FAM174A: variants seen among roughly 807,000 people sequenced by gnomAD.
FAM174A encodes family with sequence similarity 174 member A, also known as membrane protein FAM174A.
FAM174A carries 14 observed loss-of-function variants against 14.3 expected under a neutral mutation model. The observed-to-expected ratio is 0.98, with a 90% CI of 0.65 to 1.53. FAM174A has a LOEUF of 1.53. FAM174A is among the 40% of genes most tolerant of loss of function. The pLI is 0.00. For synonymous variants in FAM174A, 108 were observed against 111.4 expected (o/e 0.97, Z 0.19); for missense variants, 241 against 249.6 (o/e 0.97, Z 0.23).
intron 1 of FAM174A, among the ~76,000 whole-genome samples, chr5:100,555,374 T>C (rs1746353584): frequency 6.6e-6 from 1 of 152,208 alleles, no homozygotes; most frequent in South Asian, 2.1e-4. Flanking sequence ...TTGTGAATAG[T>C]GTCGCAATAA....
intron 2 of FAM174A, among the ~76,000 whole-genome samples, chr5:100,572,329 C>A (rs1299774927): frequency 3.4e-5 from 5 of 148,132 alleles, no homozygotes; most frequent in African/African-American, 1.3e-4. Flanking sequence ...TATACATGTG[C>A]CATGCTGGTG....
In FAM174A at chr5:100,535,498, G is replaced by T; in HGVS notation, c.-33G>T. The T allele has an allele frequency of 6.2e-7, 1 of 1,604,818 alleles. No individual in the cohort carries two copies. The highest frequency in any genetic ancestry group is 8.5e-7 in the Non-Finnish European group (1 of 1,175,504). On this transcript the variant is annotated 5_prime_UTR_variant, in exon 1 of 3. Transcript: ENST00000312637. Reference sequence around the variant, plus strand: ...TGGAGCCAGCGTGGCGGGCCTGGCGGCTCCCGGGTGGTGAGAGAGCGGTCC... The same window carrying T: ...TGGAGCCAGCGTGGCGGGCCTGGCGTCTCCCGGGTGGTGAGAGAGCGGTCC...
At chr5:100,543,512 T>C (rs1298075863) in intron 1 of FAM174A, among the ~76,000 whole-genome samples, 1 of 152,196 alleles carries the variant, frequency 6.6e-6, no homozygotes, top group African/African-American at 2.4e-5. Context: ...TGCAGAAAGT[T>C]CTATTGGGTA....
chr5:100,574,900 C>T (rs1389255602), intron 2 of FAM174A, among the ~76,000 whole-genome samples: 1 of 152,030 alleles, frequency 6.6e-6, no homozygotes. Flanking sequence ...TACTGCAGGA[C>T]GTATTAGAGA....
intron 1 of FAM174A, among the ~76,000 whole-genome samples, chr5:100,550,226 C>T (rs192146152): frequency 3.1e-4 from 47 of 152,182 alleles, no homozygotes; most frequent in Non-Finnish European, 5.7e-4. Flanking sequence ...AATCTTAGAG[C>T]TCCTGATGTG....
chr5:100,572,424 C>T (rs1746807480), intron 2 of FAM174A, among the ~76,000 whole-genome samples: 1 of 148,346 alleles, frequency 6.7e-6, no homozygotes. Context: ...ACAACAGTCC[C>T]CAGAGTGTGA....
At chr5:100,570,652 A>G (rs1434199839) in intron 2 of FAM174A, among the ~76,000 whole-genome samples, 1 of 151,988 alleles carries the variant, frequency 6.6e-6, no homozygotes, top group Non-Finnish European at 1.5e-5. Context: ...GTTACATGAC[A>G]AAGATGGCCA....
chr5:100,586,151 A>T, intron 2 of FAM174A, 30 bp from the exon 3 acceptor site: 1 of 1,214,012 alleles, frequency 8.2e-7, no homozygotes. Context: ...TAGAAAGGAT[A>T]TTTATGGTAT....
intron 2 of FAM174A, among the ~76,000 whole-genome samples, chr5:100,572,930 G>C (rs984075588): frequency 1.3e-5 from 2 of 151,968 alleles, no homozygotes. Context: ...CCTGACTTTT[G>C]AATGATTGCC....
At chr5:100,549,269 CT>C (rs1746217527) in intron 1 of FAM174A, among the ~76,000 whole-genome samples, 1 of 152,068 alleles carries the variant, frequency 6.6e-6, no homozygotes, top group Admixed American at 6.6e-5. Flanking sequence ...CCATGCTGAA[CT>C]TTTAGAAATG....
intron 2 of FAM174A, among the ~76,000 whole-genome samples, chr5:100,564,494 A>C (rs1320122226): frequency 1.3e-5 from 2 of 151,958 alleles, no homozygotes; most frequent in African/African-American, 2.4e-5. Flanking sequence ...AAACACTTTA[A>C]GCCTAAGCCT....
intron 1 of FAM174A, among the ~76,000 whole-genome samples, chr5:100,542,181 T>G (rs185880413): frequency 6.6e-6 from 1 of 152,358 alleles, no homozygotes; most frequent in African/African-American, 2.4e-5. Context: ...CCAAAATTCA[T>G]TTCCTTAATG....
chr5:100,585,250 C>G (rs573059756), intron 2 of FAM174A, among the ~76,000 whole-genome samples: 1 of 152,068 alleles, frequency 6.6e-6, no homozygotes, highest in Non-Finnish European at 1.5e-5. Context: ...ACATATCTCT[C>G]GACTGCAAAT....
intron 2 of FAM174A, among the ~76,000 whole-genome samples, chr5:100,568,960 A>C (rs923639001): frequency 2.0e-5 from 3 of 151,828 alleles, no homozygotes; most frequent in African/African-American, 7.3e-5. Context: ...TTATAAGGAA[A>C]ACACTAACAT....
At chr5:100,546,754 C>T (rs900005956) in intron 1 of FAM174A, among the ~76,000 whole-genome samples, 1 of 152,102 alleles carries the variant, frequency 6.6e-6, no homozygotes, top group Non-Finnish European at 1.5e-5. Context: ...CAAAACTATC[C>T]CAATTCTTCA....
At chr5:100,537,567 A>G (rs1374926550) in intron 1 of FAM174A, among the ~76,000 whole-genome samples, 1 of 152,182 alleles carries the variant, frequency 6.6e-6, no homozygotes, top group Non-Finnish European at 1.5e-5. Flanking sequence ...CAGCAGGCGT[A>G]AGCAATATTT....
rs534129115 is a variant in FAM174A, at chr5:100,583,279, CT to C, written c.570-2900del. On this transcript the variant is annotated intron_variant, in intron 2 of 2. Coordinates refer to ENST00000312637, the MANE Select transcript of FAM174A (RefSeq NM_198507.3). ...GCAGGTGGAAGGGGAGGCAGGCACA[CT>C]TGGTGTAACTTTACAGAAACACATC... Among the ~76,000 whole-genome samples, 5 of 152,256 alleles carry C rather than the reference CT, an allele frequency of 3.3e-5. No individual in the cohort carries two copies. The South Asian group carries it at 1.0e-3, about 32-fold the overall frequency.
At chr5:100,539,614 G>A (rs1746011206) in intron 1 of FAM174A, among the ~76,000 whole-genome samples, 1 of 152,060 alleles carries the variant, frequency 6.6e-6, no homozygotes, top group African/African-American at 2.4e-5. Context: ...TTCAAAGTAG[G>A]TAATATCATT....
At chr5:100,558,887 A>C (rs1031328941) in intron 1 of FAM174A, among the ~76,000 whole-genome samples, 1 of 152,056 alleles carries the variant, frequency 6.6e-6, no homozygotes, top group Non-Finnish European at 1.5e-5. Flanking sequence ...TTGACTCTTT[A>C]TCCAATTTGC....
Sources: gnomAD v4.1 joint callset for allele counts (sites outside exome capture counted in the v4.1 genomes callset) on GRCh38, gnomAD v4.1.1 for gene constraint, MANE v1.5 for transcripts, NCBI Gene and HGNC (gene_info 2026-07-23, HGNC 2026-07-21) for gene names.